Variants in CRACDL observed in about 807,000 individuals in gnomAD.
The protein encoded by CRACDL is CRACD-like protein.
Under a neutral mutation model 70.6 loss-of-function variants are expected in CRACDL, and 26 were observed. The observed-to-expected ratio is 0.37, with a 90% confidence interval of 0.27 to 0.51. The LOEUF is 0.51. CRACDL is among the 20% of genes least tolerant of loss of function. CRACDL has a pLI of 0.94. For missense variants in CRACDL, 1,283 were observed against 1,376.9 expected (o/e 0.93, Z 1.08); for synonymous variants, 618 against 615.2 (o/e 1.00, Z -0.07).
chr2:98,902,119 C>G (rs1246633234), intron 1 of CRACDL, among the ~76,000 whole-genome samples: 1 of 152,214 alleles, frequency 6.6e-6, no homozygotes, highest in East Asian at 1.9e-4. Flanking sequence ...ACTGACCGAT[C>G]CTAAACTGTG....
At chr2:98,841,835 C>T (rs919199164) in intron 2 of CRACDL, among the ~76,000 whole-genome samples, 4 of 152,114 alleles carry the variant, frequency 2.6e-5, no homozygotes, top group Non-Finnish European at 5.9e-5. Flanking sequence ...TTTGTACCAG[C>T]GTAATAGTTT....
intron 1 of CRACDL, among the ~76,000 whole-genome samples, chr2:98,872,850 A>G (rs938856685): frequency 9.2e-5 from 14 of 152,240 alleles, no homozygotes; most frequent in Admixed American, 8.5e-4. Flanking sequence ...TAAAGGAAGG[A>G]TCACAAAATG....
intron 3 of CRACDL, among the ~76,000 whole-genome samples, chr2:98,836,207 G>T (rs1705773133): frequency 6.6e-6 from 1 of 152,174 alleles, no homozygotes; most frequent in Admixed American, 6.5e-5. Context: ...CGATAAATGG[G>T]CGTCACTTTA....
At chr2:98,874,022 A>G (rs1707418130) in intron 1 of CRACDL, among the ~76,000 whole-genome samples, 1 of 152,234 alleles carries the variant, frequency 6.6e-6, no homozygotes, top group Non-Finnish European at 1.5e-5. Context: ...AAAAAAAAGA[A>G]ATAATTCCGC....
At chr2:98,819,768 AT>A (rs1181612096) in intron 7 of CRACDL, among the ~76,000 whole-genome samples, 1 of 143,730 alleles carries the variant, frequency 7.0e-6, no homozygotes, top group Non-Finnish European at 1.5e-5. Context: ...ACTGGGTTCT[AT>A]TTCCTCTCTG....
At chr2:98,840,876 A>G (rs2104522233) in intron 2 of CRACDL, 1 of 152,260 alleles carries the variant, frequency 6.6e-6, no homozygotes, top group South Asian at 2.1e-4. Flanking sequence ...GTACAGGTCG[A>G]TCAGACCAAA....
At chr2:98,897,005 C>T (rs1438809322) in intron 1 of CRACDL, among the ~76,000 whole-genome samples, 1 of 152,042 alleles carries the variant, frequency 6.6e-6, no homozygotes, top group Non-Finnish European at 1.5e-5. Flanking sequence ...ACATACAAGC[C>T]CATGGGTTTT....
intron 1 of CRACDL, among the ~76,000 whole-genome samples, chr2:98,927,696 T>C (rs556109056): frequency 7.2e-5 from 11 of 152,350 alleles, no homozygotes; most frequent in Admixed American, 3.9e-4. Flanking sequence ...CAAGGATGTC[T>C]ATTGTCATGT....
chr2:98,800,638 C>T (rs945456214), intron 7 of CRACDL, among the ~76,000 whole-genome samples: 13 of 152,266 alleles, frequency 8.5e-5, no homozygotes, highest in African/African-American at 3.1e-4. Flanking sequence ...TGGTCAGTCT[C>T]TCTCCTAAGT....
intron 7 of CRACDL, among the ~76,000 whole-genome samples, chr2:98,803,630 C>T (rs1470749951): frequency 6.6e-6 from 1 of 152,294 alleles, no homozygotes; most frequent in East Asian, 1.9e-4. Flanking sequence ...CCAATTTTCT[C>T]CATTATGCTG....
intron 7 of CRACDL, among the ~76,000 whole-genome samples, chr2:98,820,516 A>G (rs893329599): frequency 6.6e-6 from 1 of 152,222 alleles, no homozygotes; most frequent in Non-Finnish European, 1.5e-5. Context: ...CCTGGGCAAC[A>G]GAGTGAGACG....
chr2:98,803,891 C>T (rs1434790919), intron 7 of CRACDL, among the ~76,000 whole-genome samples: 2 of 152,204 alleles, frequency 1.3e-5, no homozygotes, highest in East Asian at 1.9e-4. Flanking sequence ...GACCTGTCTA[C>T]AGACACTAAG....
intron 2 of CRACDL, among the ~76,000 whole-genome samples, chr2:98,842,868 TTGTGTGTG>T (rs67398751): frequency 1.4e-4 from 20 of 145,068 alleles, no homozygotes; most frequent in South Asian, 8.8e-4. Context: ...TTGCTATAGT[TTGTGTGTG>T]TGTGTGTGTG....
chr2:98,902,063 G>C (rs532450272), intron 1 of CRACDL, among the ~76,000 whole-genome samples: 1 of 152,268 alleles, frequency 6.6e-6, no homozygotes, highest in South Asian at 2.1e-4. Context: ...ACTGTAAAAA[G>C]TTCCAAAGGT....
chr2:98,809,576 T>C (rs1012957516), intron 7 of CRACDL, among the ~76,000 whole-genome samples: 4 of 152,196 alleles, frequency 2.6e-5, no homozygotes, highest in African/African-American at 9.7e-5. Flanking sequence ...CTCACAGGAC[T>C]GCAGTGTGCT....
intron 2 of CRACDL, among the ~76,000 whole-genome samples, chr2:98,845,199 TC>T (rs79167762): frequency 0.11 from 6,919 of 60,962 alleles, 170 homozygotes; most frequent in African/African-American, 0.15. Context: ...TTCTTCTTCT[TC>T]TTTTTTTTTT....
chr2:98,831,696 T>C (rs918635345), intron 5 of CRACDL, among the ~76,000 whole-genome samples: 7 of 152,342 alleles, frequency 4.6e-5, no homozygotes, highest in African/African-American at 9.6e-5. Context: ...TGTGGCAGCA[T>C]CGCGAGCTAT....
rs58312556 is a variant in CRACDL, at chr2:98,918,539, CAAAAAAAAAAAA to C, written c.-11+17387_-11+17398del. ...GGCGACAGAGCAAGATGTTGTCTAC[CAAAAAAAAAAAA>C]AAAAAAAAAAAAAAAGAGTTCCCTT... On this transcript the variant is annotated intron_variant, in intron 1 of 9. Transcript: ENST00000397899. Among the ~76,000 whole-genome samples the C allele has an allele frequency of 1.4e-4, 9 of 66,346 alleles. No homozygotes were observed. In the South Asian group the frequency reaches 4.3e-3, roughly 31 times the overall value. The allele number at this position is 66,346 out of a possible 152,430, so 43.5% of individuals were successfully genotyped here.
At chr2:98,875,949 C>G (rs986713076) in intron 1 of CRACDL, among the ~76,000 whole-genome samples, 7 of 152,200 alleles carry the variant, frequency 4.6e-5, no homozygotes, top group Admixed American at 1.3e-4. Context: ...CATCACATGG[C>G]CTGCCGGCCT....
Sources: allele counts gnomAD v4.1 joint callset (sites outside exome capture counted in the v4.1 genomes callset), GRCh38; gene constraint gnomAD v4.1.1; transcripts MANE v1.5; gene names NCBI Gene and HGNC (gene_info 2026-07-23, HGNC 2026-07-21).